The following ETV1 variants were observed in gnomAD, a reference collection of about 807,000 sequenced individuals.
The protein encoded by ETV1 is ETS translocation variant 1.
ETV1 carries 27 observed loss-of-function variants against 62.3 expected under a neutral mutation model. That is an observed-to-expected ratio of 0.43 (90% confidence interval 0.32 to 0.60). The LOEUF (loss-of-function observed/expected upper bound fraction) is 0.60, where lower values mean the gene tolerates loss of function less well. Ranked by LOEUF, ETV1 falls within the 20% of genes least tolerant of loss-of-function variation. The pLI, the probability that ETV1 is intolerant of heterozygous loss-of-function variation, is 0.06. For synonymous variants in ETV1, 222 were observed against 199.6 expected (o/e 1.11, Z -0.94); for missense variants, 605 against 605.8 (o/e 1.00, Z 0.01).
intron 6 of ETV1, among the ~76,000 whole-genome samples, chr7:13,975,562 C>CAAAAAA (rs765452116): frequency 7.3e-5 from 3 of 41,002 alleles, no homozygotes; most frequent in East Asian, 5.5e-4. Context: ...GACTCTGTCT[C>CAAAAAA]AAAAAAAAAA....
chr7:13,908,815 C>A (rs190831406), intron 11 of ETV1, among the ~76,000 whole-genome samples: 1 of 152,148 alleles, frequency 6.6e-6, no homozygotes, highest in African/African-American at 2.4e-5. Flanking sequence ...TCATTATAGC[C>A]ATGACCCCCA....
At chr7:13,928,666 A>G (rs1785722863) in intron 9 of ETV1, among the ~76,000 whole-genome samples, 1 of 151,898 alleles carries the variant, frequency 6.6e-6, no homozygotes. Flanking sequence ...TACATATAAA[A>G]ACATTTCTAG....
chr7:13,927,772 A>G (rs1313195747), intron 9 of ETV1, among the ~76,000 whole-genome samples: 1 of 152,216 alleles, frequency 6.6e-6, no homozygotes, highest in Non-Finnish European at 1.5e-5. Flanking sequence ...TTAAGTTTTC[A>G]TAGGCCCTGG....
intron 6 of ETV1, among the ~76,000 whole-genome samples, chr7:13,964,178 GA>G (rs1284720215): frequency 6.6e-6 from 1 of 152,082 alleles, no homozygotes; most frequent in Non-Finnish European, 1.5e-5. Flanking sequence ...TGAGGATGGA[GA>G]AAAACAACCC....
chr7:13,951,188 G>A (rs1583766692), intron 6 of ETV1, among the ~76,000 whole-genome samples: 1 of 151,924 alleles, frequency 6.6e-6, no homozygotes, highest in East Asian at 1.9e-4. Context: ...GCATGTGCAT[G>A]TTCTCTCTCT....
At chr7:13,943,627 T>C (rs891693254) in intron 6 of ETV1, among the ~76,000 whole-genome samples, 1 of 152,124 alleles carries the variant, frequency 6.6e-6, no homozygotes, top group Non-Finnish European at 1.5e-5. Context: ...TATTCATCAA[T>C]GGGCAAATGG....
chr7:13,985,677 AC>A (rs1355643943), intron 5 of ETV1, among the ~76,000 whole-genome samples: 1 of 152,162 alleles, frequency 6.6e-6, no homozygotes, highest in Non-Finnish European at 1.5e-5. Flanking sequence ...ATACTGTTAT[AC>A]ACTCAATGCT....
intron 6 of ETV1, among the ~76,000 whole-genome samples, chr7:13,969,543 A>C (rs927536465): frequency 5.3e-5 from 8 of 152,120 alleles, no homozygotes; most frequent in Non-Finnish European, 8.8e-5. Context: ...CTAACCTTGC[A>C]CTCCACGAAA....
At chr7:13,926,737 T>C (rs1313240183) in intron 9 of ETV1, among the ~76,000 whole-genome samples, 1 of 152,162 alleles carries the variant, frequency 6.6e-6, no homozygotes, top group Non-Finnish European at 1.5e-5. Context: ...TGGATTGGAT[T>C]GGATCTTTTA....
chr7:13,966,381 C>A (rs1780291616), intron 6 of ETV1, among the ~76,000 whole-genome samples: 1 of 151,972 alleles, frequency 6.6e-6, no homozygotes, highest in Non-Finnish European at 1.5e-5. Flanking sequence ...ACCTGTAATC[C>A]CAGCACAGTA....
At position 13,988,079 on chromosome 7, in the gene ETV1, A is replaced by G. The variant is rs763494739; in HGVS notation, c.133+7T>C. The G allele has an allele frequency of 6.3e-7, 1 of 1,590,450 alleles. No homozygotes were observed. The highest frequency in any genetic ancestry group is 1.7e-5 in the Admixed American group (1 of 59,948). On this transcript the variant is annotated splice_region_variant and intron_variant, in intron 4 of 13. Transcript: ENST00000430479. Reference sequence around the variant, plus strand: ...AAATGGGGATTCAGCCCAAAATCAAACCTCACCTTCTGAATCATGAGCCAG... The same window carrying G: ...AAATGGGGATTCAGCCCAAAATCAAGCCTCACCTTCTGAATCATGAGCCAG...
chr7:13,989,035 G>A lies in ETV1; in HGVS notation c.18C>T (p.Asp6=). MDGFY[D]QQVPYMVTNS... ...TGGTGACCATGTAAGGCACTTGCTG[G>A]TCATAAAATCCATCCATGCTGCTGC... is the stretch of plus-strand genomic sequence containing the variant. Residue 6 remains aspartate, a synonymous_variant, in exon 3 of 14, where the codon GAC becomes GAT. Transcript: ENST00000430479. 1 of 1,606,646 alleles carries A rather than the reference G, an allele frequency of 6.2e-7. No individual in the cohort carries two copies. The highest frequency in any genetic ancestry group is 1.1e-5 in the South Asian group (1 of 89,552).
intron 8 of ETV1, among the ~76,000 whole-genome samples, chr7:13,933,129 T>C (rs933920813): frequency 8.5e-5 from 13 of 152,132 alleles, no homozygotes; most frequent in Non-Finnish European, 1.5e-5. Context: ...AATCAGAAAA[T>C]TGTAACTTGA....
intron 12 of ETV1, among the ~76,000 whole-genome samples, chr7:13,904,864 C>T (rs562595996): frequency 4.4e-4 from 67 of 151,466 alleles, no homozygotes; most frequent in African/African-American, 1.6e-3. Flanking sequence ...CTTTCACTTA[C>T]ATCATGTGAG....
At chr7:13,971,047 C>G (rs1158620866) in intron 6 of ETV1, among the ~76,000 whole-genome samples, 1 of 152,128 alleles carries the variant, frequency 6.6e-6, no homozygotes, top group South Asian at 2.1e-4. Context: ...TCTTGGCTCA[C>G]GGCAACCTCT....
rs766508611 is a variant in ETV1, at chr7:13,893,543, T to C, written c.*2323A>G. 7 of 231,796 alleles carry C rather than the reference T, an allele frequency of 3.0e-5. No individual in the cohort carries two copies. The highest frequency in any genetic ancestry group is 5.1e-5 in the Non-Finnish European group (6 of 117,294). The allele number at this position is 231,796 out of a possible 1,614,324, so 14.4% of individuals were successfully genotyped here. On this transcript the variant is annotated 3_prime_UTR_variant, in exon 14 of 14. Transcript: ENST00000430479. ...AATACCATTTCTGCCATTGTTCTCT[T>C]GTGATAACGTTAGCATGGCCCAATT... is the stretch of plus-strand genomic sequence containing the variant.
intron 9 of ETV1, among the ~76,000 whole-genome samples, chr7:13,915,101 A>C (rs1220209877): frequency 6.6e-6 from 1 of 152,212 alleles, no homozygotes; most frequent in East Asian, 1.9e-4. Context: ...AATCTCAGTA[A>C]AATATAAATA....
chr7:13,975,590 G>A (rs74458603), intron 6 of ETV1, among the ~76,000 whole-genome samples: 234 of 125,062 alleles, frequency 1.9e-3, no homozygotes, highest in Middle Eastern at 4.8e-3. Context: ...GAAAAGAAAA[G>A]AAAAAAAAAA....
intron 6 of ETV1, among the ~76,000 whole-genome samples, chr7:13,975,956 A>T (rs1781415471): frequency 6.6e-6 from 1 of 152,210 alleles, no homozygotes; most frequent in Admixed American, 6.5e-5. Flanking sequence ...GAAGAATTCA[A>T]TTGCCCATAG....
Sources: gnomAD v4.1 joint callset for allele counts (sites outside exome capture counted in the v4.1 genomes callset) on GRCh38, gnomAD v4.1.1 for gene constraint, MANE v1.5 for transcripts, NCBI Gene and HGNC (gene_info 2026-07-23, HGNC 2026-07-21) for gene names.